The following TRIM16 variants were observed in gnomAD, a reference collection of about 807,000 sequenced individuals.
TRIM16 encodes tripartite motif containing 16, also known as tripartite motif-containing protein 16.
TRIM16 carries 33 observed loss-of-function variants against 50.4 expected under a neutral mutation model. That is an observed-to-expected ratio of 0.65 (90% CI 0.50 to 0.88). The LOEUF (loss-of-function observed/expected upper bound fraction) is 0.88. Among genes scored for constraint, TRIM16 ranks in the 40% least tolerant of loss-of-function variants. TRIM16 has a pLI of 0.00. For synonymous variants in TRIM16, 229 were observed against 270.7 expected, an observed-to-expected ratio of 0.85 and a Z score of 1.51; for missense variants, 581 against 686.8, an observed-to-expected ratio of 0.85 and a Z score of 1.72.
At chr17:15,631,511 T>C (rs1185222745) in intron 11 of TRIM16, 108 bp downstream of exon 11, 2 of 980,056 alleles carry the variant, frequency 2.0e-6, no homozygotes, top group East Asian at 2.6e-5. Context: ...TAGAGATAGA[T>C]ATGAAGTTGC....
At chr17:15,669,666 C>T (rs546948296) in intron 6 of TRIM16, among the ~76,000 whole-genome samples, 4 of 152,236 alleles carry the variant, frequency 2.6e-5, no homozygotes, top group Non-Finnish European at 4.4e-5. Flanking sequence ...AGAATAGATT[C>T]GCTATTACAA....
intron 4 of TRIM16, among the ~76,000 whole-genome samples, chr17:15,680,342 A>AAGGGCCCTTAATAATG (rs1989134804): frequency 7.1e-6 from 1 of 140,860 alleles, no homozygotes; most frequent in Admixed American, 7.0e-5. Context: ...CCTTAATAAT[A>AAGGGCCCTTAATAATG]AGGCCCTATT....
rs533283845 is a variant in TRIM16 at position 15,634,875 on chromosome 17, A to G, written c.849+1161T>C. ...AAACGAGAAAAGAGAAATAATTTATATACTCTTTGGGTAGATCTTAAGGGA... is the reference window on the plus strand; with the variant it reads ...AAACGAGAAAAGAGAAATAATTTATGTACTCTTTGGGTAGATCTTAAGGGA... On this transcript the variant is annotated intron_variant, in intron 9 of 11. Coordinates refer to ENST00000649191, the MANE Select transcript of TRIM16 (RefSeq NM_001348119.1). Among the ~76,000 whole-genome samples, 44 of 149,110 alleles carry G rather than the reference A, an allele frequency of 3.0e-4. 1 individual carries two copies. In the South Asian group the frequency reaches 3.5e-3, roughly 12 times the overall value.
In TRIM16 at chr17:15,639,893, A is replaced by G. The variant is rs909450783; in HGVS notation, c.615+2828T>C. ...ACACTTCACCTCTCTCCCTCTTCCC[A>G]CTCTCCTGAGAATGAGGACCCTCTG... On this transcript the variant is annotated intron_variant, in intron 8 of 11. Coordinates refer to ENST00000649191, the MANE Select transcript of TRIM16 (RefSeq NM_001348119.1). Among the ~76,000 whole-genome samples, 44 of 148,010 alleles carry G rather than the reference A, an allele frequency of 3.0e-4. 6 individuals are homozygous for G. The highest frequency in any genetic ancestry group is 1.1e-3 in the African/African-American group (43 of 40,016).
intron 6 of TRIM16, among the ~76,000 whole-genome samples, chr17:15,667,864 C>T (rs1400039115): frequency 2.0e-5 from 3 of 152,028 alleles, no homozygotes; most frequent in South Asian, 2.1e-4. Context: ...TATTAACTGA[C>T]GTCCATACTT....
chr17:15,652,673 C>T (rs112305252), intron 6 of TRIM16, among the ~76,000 whole-genome samples: 11 of 152,164 alleles, frequency 7.2e-5, no homozygotes, highest in African/African-American at 2.6e-4. Context: ...GTTGGCCAGG[C>T]TGGTCTCGAA....
Position 15,651,675 on chromosome 17 carries a change from T to C in TRIM16, c.-66A>G, listed in dbSNP as rs757419454. 7.3e-5 allele frequency: 115 copies of C among 1,567,720 alleles called. No homozygotes were observed. In the Admixed American group the frequency reaches 2.2e-3, roughly 30 times the overall value. On this transcript the variant is annotated 5_prime_UTR_variant, in exon 7 of 12. The change abolishes the stop of an existing upstream ORF in the 5' untranslated region. Coordinates refer to ENST00000649191, the MANE Select transcript of TRIM16 (RefSeq NM_001348119.1). ...TGGCCCAGGATCTGTGCAGCCCAAG[T>C]CAGACAAGAGAACCACGCCTAGATG...
In TRIM16 at chr17:15,662,944, A is replaced by G. The variant is rs1212367536; in HGVS notation, c.-337-10998T>C. Among the ~76,000 whole-genome samples, 4 of 152,310 alleles carry G rather than the reference A, an allele frequency of 2.6e-5. No homozygotes were observed. In the East Asian group the frequency reaches 7.7e-4, roughly 29 times the overall value. ...ACTACTAGGTATCTTACAGTTGCTC[A>G]GAGGAGAGGGAGGTGGTGACTCACT... On this transcript the variant is annotated intron_variant, in intron 6 of 11. Transcript: ENST00000649191.
At chr17:15,638,258 T>TTAAAA (rs980557581) in intron 8 of TRIM16, among the ~76,000 whole-genome samples, 2 of 115,080 alleles carry the variant, frequency 1.7e-5, no homozygotes, top group African/African-American at 7.1e-5. Context: ...AAAATAAATT[T>TTAAAA]AAAAAAAAAA....
intron 8 of TRIM16, among the ~76,000 whole-genome samples, chr17:15,641,568 G>A (rs906790202): frequency 4.0e-5 from 6 of 148,936 alleles, no homozygotes; most frequent in African/African-American, 1.2e-4. Flanking sequence ...TGGTTCTACA[G>A]GTTATCTTGA....
chr17:15,677,398 C>G (rs1988995475), intron 5 of TRIM16, 118 bp from the exon 6 acceptor site: 1 of 911,690 alleles, frequency 1.1e-6, no homozygotes, highest in East Asian at 1.2e-4. Context: ...TTGTCAAAAG[C>G]AATTAAATAA....
chr17:15,629,502 A>C (rs1364951634), intron 11 of TRIM16, among the ~76,000 whole-genome samples: 3 of 152,278 alleles, frequency 2.0e-5, no homozygotes, highest in African/African-American at 7.2e-5. Flanking sequence ...TTCATTCAAC[A>C]AACATGTATT....
chr17:15,677,424 G>A, intron 5 of TRIM16, 144 bp from the exon 6 acceptor site: 1 of 911,742 alleles, frequency 1.1e-6, no homozygotes, highest in Non-Finnish European at 1.3e-6. Context: ...ACCCAAGTAG[G>A]GTGAGAAACA....
rs1204852501 is a variant in TRIM16 at position 15,634,160 on chromosome 17, T to G, written c.850-1486A>C. ...CTGGCTAACACGGTGAAACCCCATC[T>G]CTACTAAAAATACAAAAAATTAGCC... is the stretch of plus-strand genomic sequence containing the variant. On this transcript the variant is annotated intron_variant, in intron 9 of 11. Coordinates refer to ENST00000649191, the MANE Select transcript of TRIM16 (RefSeq NM_001348119.1). Among the ~76,000 whole-genome samples, 18 of 147,864 alleles carry G rather than the reference T, an allele frequency of 1.2e-4. 1 individual carries two copies. In the East Asian group the frequency reaches 3.8e-3, roughly 31 times the overall value.
At position 15,651,798 on chromosome 17, in the gene TRIM16, T is replaced by G; in HGVS notation, c.-189A>C. 13 of 1,465,450 alleles carry G rather than the reference T, an allele frequency of 8.9e-6. No homozygotes were observed. Among genetic ancestry groups the G allele is most frequent in the African/African-American group, 1.4e-5 (1 of 71,006 alleles). 90.8% of individuals were successfully genotyped at this position (1,465,450 alleles called of 1,614,324 possible). Reference sequence around the variant, plus strand: ...GGCGCTGGATGGCAGCCAGATGCGATGACGACAAGGCAGCTAGAGTACTCA... The same window carrying G: ...GGCGCTGGATGGCAGCCAGATGCGAGGACGACAAGGCAGCTAGAGTACTCA... On this transcript the variant is annotated 5_prime_UTR_variant, in exon 7 of 12. Transcript: ENST00000649191.
chr17:15,646,636 C>A (rs1479454658), intron 7 of TRIM16, among the ~76,000 whole-genome samples: 1 of 146,416 alleles, frequency 6.8e-6, no homozygotes, highest in African/African-American at 2.6e-5. Flanking sequence ...GCAAAGGTGG[C>A]ACACAAAGAG....
Position 15,628,586 on chromosome 17 carries a change from G to C in TRIM16, c.*29C>G, listed in dbSNP as rs749847931. On this transcript the variant is annotated 3_prime_UTR_variant, in exon 12 of 12. Coordinates refer to ENST00000649191, the MANE Select transcript of TRIM16 (RefSeq NM_001348119.1). The stretch of plus-strand genomic sequence containing the variant: ...AATGCAAATCCCATCACTGTAGCTG[G>C]CAAAGGTCTGGGATATGGCTCCTGG... 6.5e-7 allele frequency: 1 copy of C among 1,543,968 alleles called. No homozygotes were observed.
chr17:15,631,369 T>G (rs1986409259), intron 11 of TRIM16, among the ~76,000 whole-genome samples: 2 of 152,240 alleles, frequency 1.3e-5, no homozygotes, highest in African/African-American at 4.8e-5. Context: ...TGTGTTAACA[T>G]TAGGAGAAAC....
intron 3 of TRIM16, among the ~76,000 whole-genome samples, chr17:15,682,592 C>T (rs1025095956): frequency 6.6e-6 from 1 of 152,178 alleles, no homozygotes; most frequent in African/African-American, 2.4e-5. Context: ...ACCCTGGGGA[C>T]GCAGGCCCCA....
Sources: allele counts gnomAD v4.1 joint callset (sites outside exome capture counted in the v4.1 genomes callset), GRCh38; gene constraint gnomAD v4.1.1; transcripts MANE v1.5; gene names NCBI Gene and HGNC (gene_info 2026-07-23, HGNC 2026-07-21).